PROM1: variants seen among roughly 807,000 people sequenced by gnomAD.
PROM1 encodes the protein prominin 1.
PROM1 carries 105 observed loss-of-function variants against 116.9 expected under a neutral mutation model. The ratio of observed to expected loss-of-function variants is 0.90; its 90% CI spans 0.77 to 1.06. The LOEUF is 1.06. Ranked by LOEUF, PROM1 falls within the 50% of genes least tolerant of loss-of-function variation. The probability of loss-of-function intolerance (pLI) is 0.00; values close to 1 mark genes in which losing one functional copy is unlikely to be tolerated. For synonymous variants in PROM1, 393 were observed against 387.0 expected (o/e 1.02, Z -0.18); for missense variants, 1,122 against 1,045.2 (o/e 1.07, Z -1.01).
At chr4:16,064,312 C>T (rs1215867874) in intron 2 of PROM1, among the ~76,000 whole-genome samples, 2 of 152,174 alleles carry the variant, frequency 1.3e-5, no homozygotes, top group Non-Finnish European at 2.9e-5. Context: ...TACAACTACA[C>T]ATAACAATAT....
intron 2 of PROM1, among the ~76,000 whole-genome samples, chr4:16,046,866 C>T (rs1211921591): frequency 1.3e-5 from 2 of 152,122 alleles, no homozygotes; most frequent in Non-Finnish European, 2.9e-5. Flanking sequence ...TTTGATTCTT[C>T]GGTGACTAGA....
intron 7 of PROM1, 24 bp downstream of exon 7, chr4:16,024,271 G>A: frequency 6.2e-7 from 1 of 1,602,446 alleles, no homozygotes; most frequent in Non-Finnish European, 8.5e-7. Flanking sequence ...AAAAAAATGT[G>A]AAGCAACTTT....
chr4:16,077,022 T>C (rs1425395252), intron 1 of PROM1, among the ~76,000 whole-genome samples: 1 of 152,218 alleles, frequency 6.6e-6, no homozygotes, highest in African/African-American at 2.4e-5. Context: ...CCCCATGTGA[T>C]AGTCTGAAAT....
At chr4:15,992,970 G>A (rs1427229070) in intron 16 of PROM1, among the ~76,000 whole-genome samples, 1 of 152,238 alleles carries the variant, frequency 6.6e-6, no homozygotes, top group Non-Finnish European at 1.5e-5. Flanking sequence ...TGGAGTGCCT[G>A]CACGTCCCAG....
At chr4:16,004,795 C>A (rs1724741361) in intron 13 of PROM1, among the ~76,000 whole-genome samples, 1 of 149,052 alleles carries the variant, frequency 6.7e-6, no homozygotes, top group Non-Finnish European at 1.5e-5. Flanking sequence ...TCCACAGGTA[C>A]TTGCAGCTAA....
Position 15,994,057 on chromosome 4 carries a change from T to C in PROM1, c.1697A>G (p.Asn566Ser), listed in dbSNP as rs376676164. ...FEQVYSDCKK[N>S]RGTYGTLHLQ... ...GTGAAGAGTGCCGTAAGTGCCTCTA[T>C]TTTTTTTGCAGTCACTGTGGGAATG... The change falls in exon 16 of 28, where the codon AAT becomes AGT. Residue 566 changes from asparagine (N) to serine (S), a missense_variant. Transcript: ENST00000447510. The C allele has an allele frequency of 6.3e-7, 1 of 1,584,640 alleles. No individual in the cohort carries two copies. Among genetic ancestry groups the C allele is most frequent in the Non-Finnish European group, 8.6e-7 (1 of 1,163,378 alleles).
chr4:16,077,888 C>T (rs1044536406), intron 1 of PROM1, among the ~76,000 whole-genome samples: 1 of 152,198 alleles, frequency 6.6e-6, no homozygotes, highest in South Asian at 2.1e-4. Flanking sequence ...TCAAACATCC[C>T]CCTCTCCACC....
At chr4:16,053,655 T>C (rs1422824261) in intron 2 of PROM1, among the ~76,000 whole-genome samples, 2 of 152,188 alleles carry the variant, frequency 1.3e-5, no homozygotes, top group African/African-American at 4.8e-5. Flanking sequence ...TGGGTTTGCT[T>C]TAAATGCTTC....
At chr4:16,040,073 A>G (rs1399216064) in intron 2 of PROM1, among the ~76,000 whole-genome samples, 1 of 152,142 alleles carries the variant, frequency 6.6e-6, no homozygotes, top group African/African-American at 2.4e-5. Flanking sequence ...CTGCAGTGCT[A>G]TCACTATATC....
chr4:15,987,755 G>A (rs1340704970), intron 19 of PROM1, 39 bp from the exon 20 acceptor site: 1 of 1,541,822 alleles, frequency 6.5e-7, no homozygotes, highest in African/African-American at 1.4e-5. Context: ...ATTATTACAT[G>A]AAGCAGCAAG....
chr4:16,083,853 G>A (rs959228038), intron 1 of PROM1, 125 bp downstream of exon 1: 1 of 152,200 alleles, frequency 6.6e-6, no homozygotes, highest in South Asian at 2.1e-4. Flanking sequence ...CCGGACCCTC[G>A]GACGTGGCGG....
intron 11 of PROM1, among the ~76,000 whole-genome samples, chr4:16,012,485 G>A (rs1277192227): frequency 6.6e-6 from 1 of 152,124 alleles, no homozygotes. Context: ...AGCAACCTAA[G>A]GAGCCTAAAA....
intron 13 of PROM1, among the ~76,000 whole-genome samples, chr4:16,004,827 CTTTT>C (rs1553903936): frequency 1.6e-5 from 2 of 123,722 alleles, no homozygotes; most frequent in African/African-American, 6.4e-5. Flanking sequence ...TTCTTTCTTT[CTTTT>C]TCTTCCTTCC....
intron 1 of PROM1, among the ~76,000 whole-genome samples, chr4:16,081,583 C>T (rs921573834): frequency 2.0e-5 from 3 of 152,178 alleles, no homozygotes; most frequent in African/African-American, 7.2e-5. Flanking sequence ...TCAGAGTGAA[C>T]AGGCAACTTA....
chr4:16,053,615 C>A (rs1226573553), intron 2 of PROM1, among the ~76,000 whole-genome samples: 1 of 152,104 alleles, frequency 6.6e-6, no homozygotes, highest in African/African-American at 2.4e-5. Context: ...GAAATGCACG[C>A]TGTGGTGGGA....
At chr4:16,039,601 G>A (rs1560547240) in intron 2 of PROM1, among the ~76,000 whole-genome samples, 1 of 152,070 alleles carries the variant, frequency 6.6e-6, no homozygotes, top group African/African-American at 2.4e-5. Flanking sequence ...AGCCAGGCGT[G>A]GTGGCGCATG....
intron 2 of PROM1, among the ~76,000 whole-genome samples, chr4:16,039,731 A>AAG (rs1399028965): frequency 6.6e-6 from 1 of 151,378 alleles, no homozygotes; most frequent in African/African-American, 2.4e-5. Context: ...AAAAAAAAAA[A>AAG]TTAACCCAAC....
chr4:15,973,200 C>T (rs1000873379), intron 26 of PROM1, among the ~76,000 whole-genome samples: 4 of 151,404 alleles, frequency 2.6e-5, no homozygotes, highest in African/African-American at 9.7e-5. Flanking sequence ...GTGGCTCATG[C>T]CTGTAATCTA....
intron 2 of PROM1, among the ~76,000 whole-genome samples, chr4:16,057,659 T>G (rs1739357989): frequency 1.3e-5 from 2 of 152,214 alleles, no homozygotes; most frequent in Admixed American, 1.3e-4. Context: ...TCTTCTCTAT[T>G]TCCCTTCTCT....
Sources: gnomAD v4.1 joint callset for allele counts (sites outside exome capture counted in the v4.1 genomes callset) on GRCh38, gnomAD v4.1.1 for gene constraint, MANE v1.5 for transcripts, NCBI Gene and HGNC (gene_info 2026-07-23, HGNC 2026-07-21) for gene names.